COL4A2: variants seen among roughly 807,000 people sequenced by gnomAD.
COL4A2 encodes the protein collagen type IV alpha 2 chain, also known as collagen alpha-2(IV) chain.
In COL4A2, 99 loss-of-function variants were observed where a neutral mutation model predicts 200.2. The observed-to-expected ratio is 0.49, with a 90% CI of 0.42 to 0.58. The LOEUF is 0.58. Ranked by LOEUF, COL4A2 falls within the 20% of genes least tolerant of loss-of-function variation. COL4A2 has a pLI of 0.00. For synonymous variants in COL4A2, 897 were observed against 900.6 expected (o/e 1.00, Z 0.07); for missense variants, 1,950 against 2,314.1 (o/e 0.84, Z 3.23).
At chr13:110,442,408 A>G (rs576788855) in intron 16 of COL4A2, among the ~76,000 whole-genome samples, 9 of 152,358 alleles carry the variant, frequency 5.9e-5, no homozygotes, top group African/African-American at 1.4e-4. Context: ...TCTGCACCAC[A>G]GCTATGTCCG....
At chr13:110,414,292 A>G (rs1015205149) in intron 4 of COL4A2, among the ~76,000 whole-genome samples, 1 of 152,276 alleles carries the variant, frequency 6.6e-6, no homozygotes, top group Non-Finnish European at 1.5e-5. Flanking sequence ...ATGTCAGCAC[A>G]TGACCCATCT....
At chr13:110,441,665 A>T (rs1056984082) in intron 16 of COL4A2, among the ~76,000 whole-genome samples, 3 of 152,206 alleles carry the variant, frequency 2.0e-5, no homozygotes, top group Non-Finnish European at 4.4e-5. Context: ...GCTAAAGCAG[A>T]CATTATCGTT....
At chr13:110,452,107 G>A (rs1311039570) in intron 20 of COL4A2, among the ~76,000 whole-genome samples, 1 of 144,984 alleles carries the variant, frequency 6.9e-6, no homozygotes, top group Non-Finnish European at 1.5e-5. Context: ...TCAGTAACAG[G>A]TCAAAGTCTC....
intron 4 of COL4A2, among the ~76,000 whole-genome samples, chr13:110,392,016 C>T (rs1879002006): frequency 6.6e-6 from 1 of 152,140 alleles, no homozygotes; most frequent in Non-Finnish European, 1.5e-5. Context: ...ATTCTGTTTG[C>T]TCCCAGGGTG....
chr13:110,493,335 G>T, intron 39 of COL4A2, 53 bp downstream of exon 39: 1 of 1,580,304 alleles, frequency 6.3e-7, no homozygotes, highest in South Asian at 1.1e-5. Flanking sequence ...CGAGGGTGGG[G>T]ACTCTGTGCT....
intron 17 of COL4A2, among the ~76,000 whole-genome samples, chr13:110,446,394 T>C (rs372871997): frequency 6.6e-6 from 1 of 152,128 alleles, no homozygotes; most frequent in Non-Finnish European, 1.5e-5. Flanking sequence ...TGCTGCCTTA[T>C]GACAAATGCT....
chr13:110,337,507 G>A (rs192274721), intron 3 of COL4A2, among the ~76,000 whole-genome samples: 1 of 152,346 alleles, frequency 6.6e-6, no homozygotes, highest in Admixed American at 6.5e-5. Context: ...CAGTGGAAGT[G>A]AGATTGGACC....
chr13:110,477,522 A>C (rs991281057), intron 29 of COL4A2, among the ~76,000 whole-genome samples: 1 of 152,258 alleles, frequency 6.6e-6, no homozygotes, highest in Admixed American at 6.5e-5. Context: ...ATGGATAAAC[A>C]TAGCAAAAAA....
chr13:110,314,002 G>A (rs9583484), intron 3 of COL4A2, among the ~76,000 whole-genome samples: 1 of 152,118 alleles, frequency 6.6e-6, no homozygotes, highest in Non-Finnish European at 1.5e-5. Flanking sequence ...TTGTAAAACC[G>A]GCTCCTTTGA....
chr13:110,411,580 T>C (rs1186874723), intron 4 of COL4A2, among the ~76,000 whole-genome samples: 1 of 152,070 alleles, frequency 6.6e-6, no homozygotes, highest in Non-Finnish European at 1.5e-5. Flanking sequence ...TTGAGCAGGG[T>C]AGGGTTAAAG....
At chr13:110,493,051 A>G (rs1021163120) in intron 38 of COL4A2, among the ~76,000 whole-genome samples, 160 bp from the exon 39 acceptor site, 1 of 144,156 alleles carries the variant, frequency 6.9e-6, no homozygotes, top group Non-Finnish European at 1.5e-5. Flanking sequence ...ACACCCCCAC[A>G]GGTGAAATAA....
intron 40 of COL4A2, among the ~76,000 whole-genome samples, chr13:110,496,566 C>A (rs1440980490): frequency 2.0e-5 from 3 of 151,336 alleles, no homozygotes; most frequent in Admixed American, 2.0e-4. Context: ...GATCTAGGGT[C>A]AGTCCACCAG....
chr13:110,355,489 G>T lies in COL4A2; in HGVS notation c.100-1983G>T, dbSNP rs878951301. ...CACTAGCTCACCTGTGTGTGTGGGG[G>T]AGGGCTGCACTAGCTCACCTGTGTG... On this transcript the variant is annotated intron_variant, in intron 3 of 47. Coordinates refer to ENST00000360467, the MANE Select transcript of COL4A2 (RefSeq NM_001846.4). 1.2e-3 allele frequency among the ~76,000 whole-genome samples: 110 copies of T among 94,266 alleles called. 3 individuals carry two copies. Among genetic ancestry groups the T allele is most frequent in the African/African-American group, 3.5e-3 (86 of 24,324 alleles). The allele number at this position is 94,266 out of a possible 152,430, so 61.8% of individuals were successfully genotyped here.
intron 3 of COL4A2, among the ~76,000 whole-genome samples, chr13:110,314,586 G>A (rs766704995): frequency 5.9e-5 from 9 of 152,198 alleles, no homozygotes; most frequent in African/African-American, 9.6e-5. Context: ...TGGGAGGCCC[G>A]GTGGAGCTGT....
intron 20 of COL4A2, chr13:110,456,487 T>G: frequency 3.1e-6 from 1 of 317,828 alleles, no homozygotes; most frequent in Admixed American, 4.8e-5. Flanking sequence ...ATCAAAACTT[T>G]TCTTTGGACT....
chr13:110,510,549 G>A (rs1441519052), intron 47 of COL4A2, among the ~76,000 whole-genome samples: 19 of 152,228 alleles, frequency 1.2e-4, no homozygotes. Context: ...CATTGGAAAG[G>A]GTGCGTGTGC....
intron 4 of COL4A2, among the ~76,000 whole-genome samples, chr13:110,418,185 T>C (rs955698714): frequency 1.3e-5 from 2 of 152,234 alleles, no homozygotes; most frequent in African/African-American, 4.8e-5. Flanking sequence ...GTGCAGTGTC[T>C]GCTCAAATCT....
chr13:110,450,211 G>A (rs929502875), intron 19 of COL4A2, 94 bp from the exon 20 acceptor site: 14 of 1,067,330 alleles, frequency 1.3e-5, no homozygotes, highest in African/African-American at 3.1e-5. Context: ...CATGAAGCCC[G>A]CTAGTGCCCC....
intron 4 of COL4A2, among the ~76,000 whole-genome samples, chr13:110,421,113 G>A (rs1880234862): frequency 6.6e-6 from 1 of 152,224 alleles, no homozygotes; most frequent in Admixed American, 6.5e-5. Context: ...GGATACAGAG[G>A]AATTGGAACC....
Sources: allele counts gnomAD v4.1 joint callset (sites outside exome capture counted in the v4.1 genomes callset), GRCh38; gene constraint gnomAD v4.1.1; transcripts MANE v1.5; gene names NCBI Gene and HGNC (gene_info 2026-07-23, HGNC 2026-07-21).